Variants in ATP8B1 observed in about 807,000 individuals in gnomAD.
ATP8B1 encodes the protein phospholipid-transporting ATPase IC.
A neutral mutation model predicts 149.9 loss-of-function variants in ATP8B1; 80 were observed. That is an observed-to-expected ratio of 0.53 (90% CI 0.45 to 0.64). ATP8B1 has a LOEUF of 0.64. Ranked by LOEUF, ATP8B1 falls within the 30% of genes least tolerant of loss-of-function variation. The pLI is 0.00. For missense variants in ATP8B1, 1,247 were observed against 1,552.6 expected (o/e 0.80, Z 3.31); for synonymous variants, 536 against 562.8 (o/e 0.95, Z 0.67).
chr18:57,698,307 ACT>A (rs1912930267), intron 6 of ATP8B1, among the ~76,000 whole-genome samples: 2 of 150,860 alleles, frequency 1.3e-5, no homozygotes, highest in African/African-American at 4.9e-5. Flanking sequence ...GAGCTTGCCT[ACT>A]CTCTGCTGTT....
rs539008598 is a variant in ATP8B1 at position 57,791,745 on chromosome 18, G to C, written c.-26+11253C>G. Reference sequence around the variant, plus strand: ...TCGGTGGATGCCTGGGTTACTCCTAGGCCATTTTAAAGTAGGTCTTCATTA... The same window carrying C: ...TCGGTGGATGCCTGGGTTACTCCTACGCCATTTTAAAGTAGGTCTTCATTA... On this transcript the variant is annotated intron_variant, in intron 1 of 27. Transcript: ENST00000648908. Among the ~76,000 whole-genome samples, 19 of 152,136 alleles carry C rather than the reference G, an allele frequency of 1.2e-4. No individual in the cohort carries two copies. The South Asian group carries it at 3.7e-3, about 30-fold the overall frequency.
intron 2 of ATP8B1, among the ~76,000 whole-genome samples, chr18:57,713,196 T>TTTCTTTCTTTCCTTCC (rs1913791192): frequency 1.0e-4 from 9 of 89,976 alleles, no homozygotes; most frequent in South Asian, 3.4e-4. Context: ...TCTTTCTTTC[T>TTTCTTTCTTTCCTTCC]TTCCTTCCTT....
At chr18:57,656,405 A>C (rs569275364) in intron 22 of ATP8B1, among the ~76,000 whole-genome samples, 72 of 119,614 alleles carry the variant, frequency 6.0e-4, no homozygotes, top group African/African-American at 2.2e-3. Flanking sequence ...TTTTTTTTTG[A>C]GATGAAGTCT....
chr18:57,691,175 CAA>C (rs530091842), intron 12 of ATP8B1, among the ~76,000 whole-genome samples: 15 of 58,878 alleles, frequency 2.5e-4, no homozygotes, highest in Middle Eastern at 0.012. Context: ...AACTCCATCT[CAA>C]AAAAAAAAAA....
chr18:57,744,296 T>G (rs1599184053), intron 1 of ATP8B1, among the ~76,000 whole-genome samples: 8 of 98,210 alleles, frequency 8.1e-5, no homozygotes, highest in Admixed American at 3.0e-4. Flanking sequence ...GGTGACAGAG[T>G]GAGACTGTCT....
At chr18:57,676,144 AG>A (rs1169258946) in intron 15 of ATP8B1, among the ~76,000 whole-genome samples, 1 of 152,158 alleles carries the variant, frequency 6.6e-6, no homozygotes, top group East Asian at 1.9e-4. Context: ...CCTCTAAAAA[AG>A]TATGTTTTCT....
chr18:57,663,079 A>G (rs992782971), intron 20 of ATP8B1, among the ~76,000 whole-genome samples: 6 of 152,150 alleles, frequency 3.9e-5, no homozygotes, highest in Non-Finnish European at 7.3e-5. Context: ...CTATTAAACA[A>G]TAACACCTCA....
At chr18:57,752,270 A>G (rs985574907) in intron 1 of ATP8B1, among the ~76,000 whole-genome samples, 13 of 150,828 alleles carry the variant, frequency 8.6e-5, no homozygotes, top group Non-Finnish European at 1.6e-4. Flanking sequence ...GTGCAAGATC[A>G]TGGCCTATTC....
chr18:57,724,243 G>C (rs1015070446), intron 2 of ATP8B1, among the ~76,000 whole-genome samples: 3 of 146,506 alleles, frequency 2.0e-5, no homozygotes, highest in African/African-American at 7.6e-5. Context: ...AGACAAAATT[G>C]ACAAATGGGA....
At chr18:57,739,765 A>G (rs1000049581) in intron 1 of ATP8B1, among the ~76,000 whole-genome samples, 1 of 152,192 alleles carries the variant, frequency 6.6e-6, no homozygotes, top group African/African-American at 2.4e-5. Context: ...ACTTTTTAGG[A>G]GTCTGAGTCA....
At chr18:57,749,367 T>TC (rs3841752) in intron 1 of ATP8B1, among the ~76,000 whole-genome samples, 129,088 of 152,164 alleles carry the variant, frequency 0.85, 55,487 homozygotes, top group African/African-American at 0.96. Context: ...TTTTCCACAT[T>TC]CCCCTTCTCC....
intron 1 of ATP8B1, among the ~76,000 whole-genome samples, chr18:57,754,163 C>T (rs1167487234): frequency 6.6e-6 from 1 of 151,984 alleles, no homozygotes; most frequent in Non-Finnish European, 1.5e-5. Context: ...TTCAGCCTGG[C>T]ACAGGGGCTC....
chr18:57,663,297 T>C (rs1910612117), intron 20 of ATP8B1, among the ~76,000 whole-genome samples: 1 of 152,238 alleles, frequency 6.6e-6, no homozygotes, highest in African/African-American at 2.4e-5. Flanking sequence ...TATTCCATTA[T>C]GTGGAAGCAC....
At chr18:57,737,969 G>A (rs365362) in intron 1 of ATP8B1, 148,765 of 152,372 alleles carry the variant, frequency 0.98, 72,715 homozygotes, top group East Asian at 1. Context: ...TCCTCAACTC[G>A]ACTTCTCTGC....
At chr18:57,757,368 T>A (rs761445562) in intron 1 of ATP8B1, among the ~76,000 whole-genome samples, 5 of 152,198 alleles carry the variant, frequency 3.3e-5, no homozygotes, top group Non-Finnish European at 2.9e-5. Flanking sequence ...CAGCCATTTC[T>A]CCCAGTACCC....
chr18:57,756,210 T>TACAC lies in ATP8B1; in HGVS notation c.-25-24382_-25-24379dup, dbSNP rs573321061. 6.4e-5 allele frequency among the ~76,000 whole-genome samples: 7 copies of TACAC among 109,048 alleles called. 1 individual carries two copies. The highest frequency in any genetic ancestry group is 2.1e-4 in the East Asian group (1 of 4,780). 71.5% of individuals were successfully genotyped at this position (109,048 alleles called of 152,430 possible). A position where few individuals can be genotyped will look rare whatever the true frequency, so the allele number is the denominator to read the frequency against. ...TCCACAACATATATATATATATATA[T>TACAC]ACACACACACACACACACACACACA... On this transcript the variant is annotated intron_variant, in intron 1 of 27. Coordinates refer to ENST00000648908, the MANE Select transcript of ATP8B1 (RefSeq NM_001374385.1).
chr18:57,762,139 A>T (rs1456938178), intron 1 of ATP8B1, among the ~76,000 whole-genome samples: 16 of 78,716 alleles, frequency 2.0e-4, no homozygotes, highest in African/African-American at 9.0e-4. Context: ...ATATATATAT[A>T]TATTTTTTTT....
chr18:57,758,293 TGTTGGTAATCG>T, intron 1 of ATP8B1, among the ~76,000 whole-genome samples: 1 of 150,990 alleles, frequency 6.6e-6, no homozygotes. Flanking sequence ...ACCCACCCTT[TGTTGGTAATCG>T]ACTTTACTGT....
chr18:57,667,257 G>A, intron 19 of ATP8B1, 90 bp from the exon 20 acceptor site: 1 of 1,059,096 alleles, frequency 9.4e-7, no homozygotes, highest in Non-Finnish European at 1.4e-6. Context: ...CACTCCCACT[G>A]CCTAGGCTGG....
Sources: allele counts gnomAD v4.1 joint callset (sites outside exome capture counted in the v4.1 genomes callset), GRCh38; gene constraint gnomAD v4.1.1; transcripts MANE v1.5; gene names NCBI Gene and HGNC (gene_info 2026-07-23, HGNC 2026-07-21).